Variants in FARS2 observed in about 807,000 individuals in gnomAD.
FARS2 encodes the protein phenylalanine--tRNA ligase, mitochondrial.
Under a neutral mutation model 46.4 loss-of-function variants are expected in FARS2, and 40 were observed. The observed-to-expected ratio is 0.86, with a 90% CI of 0.67 to 1.12. The LOEUF is 1.12. Among genes scored for constraint, FARS2 ranks in the 50% most tolerant of loss-of-function variants. FARS2 has a pLI of 0.00. For missense variants in FARS2, 513 were observed against 567.9 expected, an observed-to-expected ratio of 0.90 and a Z score of 0.98; for synonymous variants, 234 against 214.9, an observed-to-expected ratio of 1.09 and a Z score of -0.78.
At chr6:5,571,432 A>C (rs778513028) in intron 5 of FARS2, among the ~76,000 whole-genome samples, 9 of 152,356 alleles carry the variant, frequency 5.9e-5, no homozygotes, top group Non-Finnish European at 1.2e-4. Context: ...AAGCCTCACC[A>C]ACGCACGTGG....
intron 1 of FARS2, among the ~76,000 whole-genome samples, chr6:5,278,267 T>A (rs1424159589): frequency 6.6e-6 from 1 of 152,210 alleles, no homozygotes. Flanking sequence ...CCTAGGGACA[T>A]TGCAAAGATT....
At chr6:5,604,386 A>G (rs1201834612) in intron 5 of FARS2, among the ~76,000 whole-genome samples, 1 of 152,144 alleles carries the variant, frequency 6.6e-6, no homozygotes, top group Non-Finnish European at 1.5e-5. Context: ...TCCCCCCCAG[A>G]AAGCAAACTC....
intron 6 of FARS2, among the ~76,000 whole-genome samples, chr6:5,638,298 C>T (rs1039131010): frequency 2.0e-5 from 3 of 152,256 alleles, no homozygotes; most frequent in Non-Finnish European, 2.9e-5. Context: ...GGCGCAGTGG[C>T]TCACGCCTGT....
intron 4 of FARS2, among the ~76,000 whole-genome samples, chr6:5,463,257 A>C (rs1282380220): frequency 6.6e-6 from 1 of 152,176 alleles, no homozygotes; most frequent in Non-Finnish European, 1.5e-5. Context: ...TTTCATTTTC[A>C]GATTGTTTAT....
chr6:5,743,530 A>G (rs1386805373), intron 6 of FARS2, among the ~76,000 whole-genome samples: 1 of 152,234 alleles, frequency 6.6e-6, no homozygotes, highest in Non-Finnish European at 1.5e-5. Context: ...GGTGAAAGCC[A>G]TGCTCTATAA....
intron 4 of FARS2, among the ~76,000 whole-genome samples, chr6:5,539,786 C>A (rs879690812): frequency 2.0e-5 from 3 of 152,120 alleles, no homozygotes; most frequent in Non-Finnish European, 2.9e-5. Context: ...ATTTCAAATG[C>A]GAAAAACTGA....
chr6:5,609,471 C>G, intron 5 of FARS2: 1 of 1,223,022 alleles, frequency 8.2e-7, no homozygotes, highest in East Asian at 2.3e-5. Flanking sequence ...GCCATCCGCC[C>G]TGCCACCATA....
chr6:5,352,008 C>T (rs781061106), intron 1 of FARS2, among the ~76,000 whole-genome samples: 8 of 152,168 alleles, frequency 5.3e-5, no homozygotes, highest in Non-Finnish European at 7.3e-5. Context: ...AGCTTATCTC[C>T]GCCCTTCATT....
At chr6:5,534,619 C>G (rs1305846295) in intron 4 of FARS2, among the ~76,000 whole-genome samples, 1 of 152,178 alleles carries the variant, frequency 6.6e-6, no homozygotes, top group East Asian at 1.9e-4. Flanking sequence ...GAATAATATT[C>G]CATTGTGTGT....
At chr6:5,688,393 G>A (rs1757419968) in intron 6 of FARS2, among the ~76,000 whole-genome samples, 1 of 152,180 alleles carries the variant, frequency 6.6e-6, no homozygotes, top group South Asian at 2.1e-4. Flanking sequence ...CTAATTTATT[G>A]AGAGTTTTTA....
At chr6:5,308,458 A>T (rs1400878515) in intron 1 of FARS2, among the ~76,000 whole-genome samples, 1 of 152,212 alleles carries the variant, frequency 6.6e-6, no homozygotes, top group East Asian at 1.9e-4. Flanking sequence ...TGCTTCCTAA[A>T]CCATCTCTGG....
chr6:5,507,298 G>A (rs1378706176), intron 4 of FARS2, among the ~76,000 whole-genome samples: 2 of 152,056 alleles, frequency 1.3e-5, no homozygotes, highest in African/African-American at 4.8e-5. Context: ...CTGGGCACAC[G>A]AGTTAAAATG....
chr6:5,500,963 AG>A (rs1767765480), intron 4 of FARS2, among the ~76,000 whole-genome samples: 2 of 123,056 alleles, frequency 1.6e-5, no homozygotes, highest in African/African-American at 5.7e-5. Flanking sequence ...AGAGAGAGAG[AG>A]AGAGAGATGC....
At position 5,630,088 on chromosome 6, in the gene FARS2, G is replaced by C. The variant is rs1311084423; in HGVS notation, c.1217+16768G>C. ...CAGGATTGGAACGTGTACTACTCTT[G>C]ACCACTGGAGCTCCAGACATGACCC... On this transcript the variant is annotated intron_variant, in intron 6 of 6. Transcript: ENST00000274680. The surrounding 1 kb of genome is among the most constrained non-coding windows in gnomAD (Gnocchi z 4.2). Among the ~76,000 whole-genome samples, 1 of 152,182 alleles carries C rather than the reference G, an allele frequency of 6.6e-6. No homozygotes were observed. Among genetic ancestry groups the C allele is most frequent in the Admixed American group, 6.5e-5 (1 of 15,290 alleles).
intron 4 of FARS2, among the ~76,000 whole-genome samples, chr6:5,533,140 A>T (rs1031221140): frequency 5.3e-5 from 8 of 152,122 alleles, no homozygotes; most frequent in African/African-American, 1.7e-4. Flanking sequence ...GGGACTTGCG[A>T]CGCTGTGCCT....
the FARS2 span, among the ~76,000 whole-genome samples, chr6:5,254,123 C>A: frequency 6.6e-6 from 1 of 152,216 alleles, no homozygotes; most frequent in Non-Finnish European, 1.5e-5. Context: ...ATGAGATGCA[C>A]TGAAAACGGC....
chr6:5,341,185 GGA>G (rs1370688028), intron 1 of FARS2, among the ~76,000 whole-genome samples: 1 of 76,838 alleles, frequency 1.3e-5, no homozygotes, highest in South Asian at 4.8e-4. Flanking sequence ...GTGGCCATGG[GGA>G]GATATATATA....
intron 6 of FARS2, among the ~76,000 whole-genome samples, chr6:5,755,980 G>C (rs1433199853): frequency 6.6e-6 from 1 of 152,136 alleles, no homozygotes; most frequent in Non-Finnish European, 1.5e-5. Context: ...ATTCCTTTTT[G>C]CCAGTCTGTG....
chr6:5,399,174 T>G (rs56201523), intron 2 of FARS2, among the ~76,000 whole-genome samples: 1 of 67,622 alleles, frequency 1.5e-5, no homozygotes, highest in Admixed American at 1.6e-4. Context: ...TTATTATTAT[T>G]ATCATCATCA....
Sources: gnomAD v4.1 joint callset for allele counts (sites outside exome capture counted in the v4.1 genomes callset) on GRCh38, gnomAD v4.1.1 for gene constraint, Gnocchi (gnomAD v3.1) non-coding constraint, MANE v1.5 for transcripts, NCBI Gene and HGNC (gene_info 2026-07-23, HGNC 2026-07-21) for gene names.